VPS33B: variants seen among roughly 807,000 people sequenced by gnomAD.
VPS33B encodes the protein vacuolar protein sorting-associated protein 33B.
VPS33B carries 80 observed loss-of-function variants against 95.3 expected under a neutral mutation model. The ratio of observed to expected loss-of-function variants is 0.84; its 90% CI spans 0.70 to 1.01. VPS33B has a LOEUF of 1.01. Among genes scored for constraint, VPS33B ranks in the 50% least tolerant of loss-of-function variants. VPS33B has a pLI of 0.00. For missense variants in VPS33B, 715 were observed against 773.4 expected, an observed-to-expected ratio of 0.92 and a Z score of 0.90; for synonymous variants, 280 against 280.4, an observed-to-expected ratio of 1.00 and a Z score of 0.01.
rs2040347724 is a variant in VPS33B at position 90,998,878 on chromosome 15, G to A, written c.*97C>T. 4.5e-6 allele frequency: 6 copies of A among 1,319,656 alleles called. No individual in the cohort carries two copies. The highest frequency in any genetic ancestry group is 5.4e-6 in the Non-Finnish European group (5 of 925,994). 81.7% of individuals were successfully genotyped at this position (1,319,656 alleles called of 1,614,324 possible). ...CCATGCTCCCGGCTCTTAGCAGGTA[G>A]TTGGTGGACACTTGGTTATAGCAGC... On this transcript the variant is annotated 3_prime_UTR_variant, in exon 23 of 23. Coordinates refer to ENST00000333371, the MANE Select transcript of VPS33B (RefSeq NM_018668.5). This position sits in a 1 kb window ranked among gnomAD's most constrained non-coding sequence, Gnocchi z 4.8.
intron 2 of VPS33B, 181 bp from the exon 3 acceptor site, chr15:91,017,205 G>C (rs1179200031): frequency 1.6e-6 from 1 of 628,926 alleles, no homozygotes; most frequent in African/African-American, 1.8e-5. Context: ...ACTGTCAATA[G>C]AAAAACCTAA....
intron 2 of VPS33B, among the ~76,000 whole-genome samples, chr15:91,017,487 G>A (rs2151684153): frequency 6.7e-6 from 1 of 148,452 alleles, no homozygotes; most frequent in East Asian, 1.9e-4. Flanking sequence ...ACCAGGTGTG[G>A]TGGCACATGC....
chr15:91,006,933 C>T lies in VPS33B; in HGVS notation c.700+17G>A, dbSNP rs377386027. The stretch of plus-strand genomic sequence containing the variant: ...TTCTAGGGCTGAAAGATGACAGGAA[C>T]GCTGGGCATAATTTACCTCTGTCCA... On this transcript the variant is annotated intron_variant, in intron 9 of 22. Coordinates refer to ENST00000333371, the MANE Select transcript of VPS33B (RefSeq NM_018668.5). The surrounding 1 kb of genome is among the most constrained non-coding windows in gnomAD (Gnocchi z 5.4). 205 of 1,613,950 alleles carry T rather than the reference C, an allele frequency of 1.3e-4. No individual in the cohort carries two copies. The highest frequency in any genetic ancestry group is 1.6e-4 in the Middle Eastern group (1 of 6,062).
In VPS33B at chr15:91,005,887, C is replaced by CA; in HGVS notation, c.939+85dup. ...CCATGAGAAAGGACAGGGAACCTGT[C>CA]ATAGTATTAGAAGGGGAGCCCAAGG... is the stretch of plus-strand genomic sequence containing the variant. On this transcript the variant is annotated intron_variant, in intron 12 of 22. Coordinates refer to ENST00000333371, the MANE Select transcript of VPS33B (RefSeq NM_018668.5). The surrounding 1 kb of genome is among the most constrained non-coding windows in gnomAD (Gnocchi z 6.4). The CA allele has an allele frequency of 6.2e-7, 1 of 1,606,012 alleles. No individual in the cohort carries two copies. The highest frequency in any genetic ancestry group is 2.2e-5 in the East Asian group (1 of 44,796).
chr15:91,012,701 CG>C (rs1168033292), intron 5 of VPS33B, among the ~76,000 whole-genome samples: 2 of 152,156 alleles, frequency 1.3e-5, no homozygotes, highest in African/African-American at 4.8e-5. Context: ...AGGCCTGGAA[CG>C]TCATTCCTCC....
In VPS33B at chr15:91,018,072, G is replaced by A; in HGVS notation, c.97-187C>T. 3.2e-6 allele frequency: 2 copies of A among 628,212 alleles called. No individual in the cohort carries two copies. Among genetic ancestry groups the A allele is most frequent in the Non-Finnish European group, 5.7e-6 (2 of 348,126 alleles). 38.9% of individuals were successfully genotyped at this position (628,212 alleles called of 1,614,324 possible). On this transcript the variant is annotated intron_variant, in intron 1 of 22. Transcript: ENST00000333371. This position sits in a 1 kb window ranked among gnomAD's most constrained non-coding sequence, Gnocchi z 4.7. Reference sequence around the variant, plus strand: ...ACTTCTCTGTATATTTACCTATTTTGCCTTCTCGTTTTCTGTACCAGTGGG... The same window carrying A: ...ACTTCTCTGTATATTTACCTATTTTACCTTCTCGTTTTCTGTACCAGTGGG...
Position 91,015,225 on chromosome 15 carries a change from A to G in VPS33B, c.240-792T>C, listed in dbSNP as rs1182175990. On this transcript the variant is annotated intron_variant, in intron 3 of 22. Coordinates refer to ENST00000333371, the MANE Select transcript of VPS33B (RefSeq NM_018668.5). The surrounding 1 kb of genome is among the most constrained non-coding windows in gnomAD (Gnocchi z 4.7). ...GTGGCGCATGTCTGTAATCCCAGCT[A>G]CGCAGGAGGCTGAGGCAGGAGAATC... Among the ~76,000 whole-genome samples, 2 of 152,174 alleles carry G rather than the reference A, an allele frequency of 1.3e-5. No individual in the cohort carries two copies. The highest frequency in any genetic ancestry group is 3.9e-4 in the East Asian group (2 of 5,192).
At position 91,000,425 on chromosome 15, in the gene VPS33B, G is replaced by T. The variant is rs540955787; in HGVS notation, c.1581+65C>A. On this transcript the variant is annotated intron_variant, in intron 20 of 22. Transcript: ENST00000333371. The surrounding 1 kb of genome is among the most constrained non-coding windows in gnomAD (Gnocchi z 4.9). ...TAAAAAAAAAAAAACATTGAGACAC[G>T]CCAGGGACCAAGAGAAAGCAGAGAG... 2.1e-6 allele frequency: 3 copies of T among 1,433,752 alleles called. No homozygotes were observed. Among genetic ancestry groups the T allele is most frequent in the Non-Finnish European group, 2.9e-6 (3 of 1,035,502 alleles). 88.8% of individuals were successfully genotyped at this position (1,433,752 alleles called of 1,614,324 possible).
chr15:91,006,571 C>T lies in VPS33B; in HGVS notation c.778+81G>A. On this transcript the variant is annotated intron_variant, in intron 10 of 22. Coordinates refer to ENST00000333371, the MANE Select transcript of VPS33B (RefSeq NM_018668.5). The surrounding 1 kb of genome is among the most constrained non-coding windows in gnomAD (Gnocchi z 5.4). ...GTTCATTCAGGGTCTGGGTCTCTCCCACAAACCCTGCCCCACGTGGGAGGT... is the reference window on the plus strand; with the variant it reads ...GTTCATTCAGGGTCTGGGTCTCTCCTACAAACCCTGCCCCACGTGGGAGGT... The T allele has an allele frequency of 1.2e-6, 2 of 1,610,302 alleles. No individual in the cohort carries two copies. Among genetic ancestry groups the T allele is most frequent in the Non-Finnish European group, 8.5e-7 (1 of 1,176,526 alleles).
At chr15:91,014,329 C>G (rs1262351023) in intron 4 of VPS33B, 55 bp downstream of exon 4, 3 of 1,593,468 alleles carry the variant, frequency 1.9e-6, no homozygotes, top group South Asian at 2.2e-5. Context: ...GGCCAAGGCC[C>G]TTAGATTTTG....
rs61025684 is a variant in VPS33B at position 91,008,185 on chromosome 15, C to T, written c.404-221G>A. ...AGGAAAGGAGATGTGTCCACAGCAG[C>T]CTGTAATACAATGTGATAAGTGGTG... On this transcript the variant is annotated intron_variant, in intron 6 of 22. Transcript: ENST00000333371. 9.8e-3 allele frequency among the ~76,000 whole-genome samples: 1,489 copies of T among 152,296 alleles called. 24 individuals carry two copies. The highest frequency in any genetic ancestry group is 0.034 in the African/African-American group (1,398 of 41,556).
In VPS33B at chr15:90,999,032, C is replaced by T. The variant is rs1372630098; in HGVS notation, c.1797G>A (p.Thr599=). 9.9e-6 allele frequency: 16 copies of T among 1,614,034 alleles called. No homozygotes were observed. The highest frequency in any genetic ancestry group is 1.6e-4 in the Middle Eastern group (1 of 6,084). The part of the protein sequence containing the change: ...REKGYRFIFL[T]TAVTNSARLM... ...GGCGAGCGCTGTTTGTGACTGCTGT[C>T]GTCAGGAAAATGAACCTGTAGCCTA... The change falls in exon 23 of 23, where the codon ACG becomes ACA. Residue 599 remains threonine, a synonymous_variant. Transcript: ENST00000333371. The surrounding 1 kb of genome is among the most constrained non-coding windows in gnomAD (Gnocchi z 5.1).
In VPS33B at chr15:91,017,116, T is replaced by A. The variant is rs554931084; in HGVS notation, c.178-92A>T. On this transcript the variant is annotated intron_variant, in intron 2 of 22. Transcript: ENST00000333371. ...GATAGGGGACTTCTTGAGGGCTTCC[T>A]AATTATGCTAATTATTGAGGGCTTC... 63 of 1,113,990 alleles carry A rather than the reference T, an allele frequency of 5.7e-5. No individual in the cohort carries two copies. In the East Asian group the frequency reaches 1.5e-3, roughly 26 times the overall value. The allele number at this position is 1,113,990 out of a possible 1,614,324, so 69.0% of individuals were successfully genotyped here.
At position 91,003,267 on chromosome 15, in the gene VPS33B, T is replaced by G. The variant is rs4244883; in HGVS notation, c.1226-136A>C. The G allele has an allele frequency of 0.51, 446,786 of 884,204 alleles. 129,316 individuals are homozygous for G. The highest frequency in any genetic ancestry group is 1 in the East Asian group (39,961 of 40,108). 54.8% of individuals were successfully genotyped at this position (884,204 alleles called of 1,614,324 possible). ...AAATGTTAACCCTGCAGAGTATACA[T>G]TTGGTTCTAAATTTAAGCTTGCTTA... On this transcript the variant is annotated intron_variant, in intron 16 of 22. Coordinates refer to ENST00000333371, the MANE Select transcript of VPS33B (RefSeq NM_018668.5).
In VPS33B at chr15:91,009,202, T is replaced by C. The variant is rs1360844327; in HGVS notation, c.403+599A>G. Among the ~76,000 whole-genome samples, 2 of 152,092 alleles carry C rather than the reference T, an allele frequency of 1.3e-5. No individual in the cohort carries two copies. The highest frequency in any genetic ancestry group is 1.9e-4 in the East Asian group (1 of 5,188). On this transcript the variant is annotated intron_variant, in intron 6 of 22. Transcript: ENST00000333371. This position sits in a 1 kb window ranked among gnomAD's most constrained non-coding sequence, Gnocchi z 4.1. ...TCATTTCCAACTCTAAGCCCTGGTG[T>C]TCCTTTCATACTACCCCAGGAGTGT...
intron 5 of VPS33B, among the ~76,000 whole-genome samples, chr15:91,012,164 T>C (rs1268970944): frequency 4.6e-5 from 7 of 152,176 alleles, no homozygotes; most frequent in Non-Finnish European, 1.0e-4. Flanking sequence ...TTCTGAGTGG[T>C]TGTCCTACTC....
intron 4 of VPS33B, 68 bp downstream of exon 4, chr15:91,014,316 T>C: frequency 1.3e-6 from 2 of 1,539,132 alleles, no homozygotes; most frequent in Non-Finnish European, 1.8e-6. Flanking sequence ...AGAGGGTCCT[T>C]ATGGCCAAGG....
rs772282950 is a variant in VPS33B at position 91,015,300 on chromosome 15, C to T, written c.240-867G>A. On this transcript the variant is annotated intron_variant, in intron 3 of 22. Transcript: ENST00000333371. This position sits in a 1 kb window ranked among gnomAD's most constrained non-coding sequence, Gnocchi z 4.7. ...ACAGTGAGCCCAGATCGCGCCATTG[C>T]TCTCCAGCCTGGATGACAAGAGCTA... Among the ~76,000 whole-genome samples the T allele has an allele frequency of 9.9e-5, 15 of 151,950 alleles. No homozygotes were observed. The highest frequency in any genetic ancestry group is 2.1e-4 in the Non-Finnish European group (14 of 67,998).
chr15:91,004,829 G>T (rs1359814918), intron 16 of VPS33B, 48 bp downstream of exon 16: 1 of 1,603,262 alleles, frequency 6.2e-7, no homozygotes, highest in South Asian at 1.1e-5. Context: ...TGTCCCTAAG[G>T]CATAGTTTCT....
Sources: allele counts gnomAD v4.1 joint callset (sites outside exome capture counted in the v4.1 genomes callset), GRCh38; gene constraint gnomAD v4.1.1; non-coding constraint Gnocchi (gnomAD v3.1); transcripts MANE v1.5; gene names NCBI Gene and HGNC (gene_info 2026-07-23, HGNC 2026-07-21).